The following DNAH1 variants were observed in gnomAD, a reference collection of about 807,000 sequenced individuals.
DNAH1 encodes the protein axonemal beta dynein heavy chain 1.
A neutral mutation model predicts 484.3 loss-of-function variants in DNAH1; 327 were observed. The ratio of observed to expected loss-of-function variants is 0.68; its 90% CI spans 0.62 to 0.74. DNAH1 has a LOEUF of 0.74. DNAH1 is among the 30% of genes least tolerant of loss of function. The pLI is 0.00. For synonymous variants in DNAH1, 2,192 were observed against 2,191.9 expected, an observed-to-expected ratio of 1.00 and a Z score of 0.00; for missense variants, 5,052 against 5,546.8, an observed-to-expected ratio of 0.91 and a Z score of 2.83.
chr3:52,380,907 C>G (rs938381711), intron 48 of DNAH1, among the ~76,000 whole-genome samples: 1 of 152,168 alleles, frequency 6.6e-6, no homozygotes, highest in Non-Finnish European at 1.5e-5. Flanking sequence ...GTAATTAGTC[C>G]AGAGCATTTA....
rs1559577274 is a variant in DNAH1 at position 52,397,778 on chromosome 3, CA to C, written c.11861del (p.Asn3954ThrfsTer34). ...PEIFGLHDNA[N>X]ITFAQNETFA... ...AGATCTTTGGCCTGCATGACAATGCCAACATCACCTTTGCCCAGAACGAGAC... is the reference window on the plus strand; with the variant it reads ...AGATCTTTGGCCTGCATGACAATGCCACATCACCTTTGCCCAGAACGAGAC... On this transcript the variant is annotated frameshift_variant, in exon 74 of 78. Transcript: ENST00000420323. LOFTEE classifies it high-confidence loss of function. 1 of 1,613,836 alleles carries C rather than the reference CA, an allele frequency of 6.2e-7. No homozygotes were observed. Among genetic ancestry groups the C allele is most frequent in the South Asian group, 1.1e-5 (1 of 91,066 alleles).
chr3:52,357,143 A>C (rs568203191), intron 22 of DNAH1, among the ~76,000 whole-genome samples: 17 of 149,400 alleles, frequency 1.1e-4, no homozygotes, highest in Admixed American at 3.4e-4. Context: ...CACCTCCCGG[A>C]GGCTGAGACA....
intron 71 of DNAH1, 31 bp downstream of exon 71, chr3:52,396,569 CCTG>C (rs1559575500): frequency 1.2e-6 from 2 of 1,611,640 alleles, no homozygotes; most frequent in Admixed American, 3.3e-5. Context: ...GCCTACCCTA[CCTG>C]CCCCCGTCCC....
chr3:52,370,957 A>G (rs1224620042), intron 41 of DNAH1, 132 bp downstream of exon 41: 12 of 827,950 alleles, frequency 1.4e-5, no homozygotes, highest in South Asian at 1.4e-4. Context: ...GGTTATTTGC[A>G]TCATCTCATG....
rs1703869683 is a variant in DNAH1, at chr3:52,381,996, C to T, written c.7805+160C>T. Among the ~76,000 whole-genome samples the T allele has an allele frequency of 6.6e-6, 1 of 152,082 alleles. No homozygotes were observed. Among genetic ancestry groups the T allele is most frequent in the Non-Finnish European group, 1.5e-5 (1 of 67,992 alleles). ...AAAGACTAGTAGCAGGATCTGGGCT[C>T]CAGGGAGAGGCAGCAGCAGTGCCTG... On this transcript the variant is annotated intron_variant, in intron 49 of 77. Transcript: ENST00000420323. This position sits in a 1 kb window ranked among gnomAD's most constrained non-coding sequence, Gnocchi z 4.1.
At chr3:52,347,757 C>T (rs1469351009) in intron 11 of DNAH1, 67 bp from the exon 12 acceptor site, 1 of 1,458,638 alleles carries the variant, frequency 6.9e-7, no homozygotes, top group East Asian at 2.5e-5. Flanking sequence ...GCAGGAAGGG[C>T]AGAGGGCTGC....
intron 3 of DNAH1, 37 bp downstream of exon 3, chr3:52,323,917 T>G (rs543677498): frequency 4.1e-5 from 62 of 1,508,668 alleles, no homozygotes; most frequent in Non-Finnish European, 5.5e-5. Flanking sequence ...TGGGTCCCGG[T>G]AGGTATTTCA....
At position 52,379,021 on chromosome 3, in the gene DNAH1, A is replaced by G. The variant is rs1703724880; in HGVS notation, c.7377+241A>G. 6.6e-6 allele frequency among the ~76,000 whole-genome samples: 1 copy of G among 152,168 alleles called. No individual in the cohort carries two copies. The highest frequency in any genetic ancestry group is 6.5e-5 in the Admixed American group (1 of 15,286). Reference sequence around the variant, plus strand: ...TGAGAGAGCCAGGGCAAGACGAGGGAGAAAGAGGGCTTCTGGTTTGGGCCC... The same window carrying G: ...TGAGAGAGCCAGGGCAAGACGAGGGGGAAAGAGGGCTTCTGGTTTGGGCCC... On this transcript the variant is annotated intron_variant, in intron 47 of 77. Transcript: ENST00000420323. This position sits in a 1 kb window ranked among gnomAD's most constrained non-coding sequence, Gnocchi z 4.4.
chr3:52,381,553 AGAG>A lies in DNAH1; in HGVS notation c.7609-86_7609-84del. 7.8e-7 allele frequency: 1 copy of A among 1,280,942 alleles called. No homozygotes were observed. Among genetic ancestry groups the A allele is most frequent in the Non-Finnish European group, 1.1e-6 (1 of 928,306 alleles). 79.3% of individuals were successfully genotyped at this position (1,280,942 alleles called of 1,614,324 possible). On this transcript the variant is annotated intron_variant, in intron 48 of 77. Coordinates refer to ENST00000420323, the MANE Select transcript of DNAH1 (RefSeq NM_015512.5). The surrounding 1 kb of genome is among the most constrained non-coding windows in gnomAD (Gnocchi z 4.1). ...GGCACCTGTGCTTCTCAGTCAGGAC[AGAG>A]AAGAAAGCGGGTGGGTGGGGGGAAT...
intron 44 of DNAH1, among the ~76,000 whole-genome samples, 171 bp downstream of exon 44, chr3:52,373,224 G>A (rs1000003594): frequency 6.6e-6 from 1 of 151,924 alleles, no homozygotes; most frequent in Non-Finnish European, 1.5e-5. Flanking sequence ...GCGGAGAGAC[G>A]CCGCCGCCAC....
chr3:52,372,135 G>T, intron 42 of DNAH1, 49 bp downstream of exon 42: 4 of 1,610,360 alleles, frequency 2.5e-6, no homozygotes, highest in Non-Finnish European at 3.4e-6. Flanking sequence ...GGCCTATATT[G>T]GGGGTTGACC....
intron 26 of DNAH1, 138 bp from the exon 27 acceptor site, chr3:52,359,778 T>A: frequency 8.5e-7 from 1 of 1,175,038 alleles, no homozygotes; most frequent in Admixed American, 2.1e-5. Context: ...GCCCGGTCCC[T>A]GCTCCCCTCC....
chr3:52,368,725 C>A lies in DNAH1; in HGVS notation c.5766-16C>A, dbSNP rs201397073. On this transcript the variant is annotated splice_polypyrimidine_tract_variant and intron_variant, in intron 36 of 77. Coordinates refer to ENST00000420323, the MANE Select transcript of DNAH1 (RefSeq NM_015512.5). This position sits in a 1 kb window ranked among gnomAD's most constrained non-coding sequence, Gnocchi z 4.4. ...CCTCCCTGATGTTTCCAGCCCTCTC[C>A]TCCCTGGCGCTGCAGGACAGACGGG... 30 of 1,606,626 alleles carry A rather than the reference C, an allele frequency of 1.9e-5. No individual in the cohort carries two copies. The highest frequency in any genetic ancestry group is 2.6e-5 in the Non-Finnish European group (30 of 1,174,948).
chr3:52,359,769 C>T (rs1375966019), intron 26 of DNAH1, 147 bp from the exon 27 acceptor site: 2 of 1,067,586 alleles, frequency 1.9e-6, no homozygotes, highest in Non-Finnish European at 2.7e-6. Context: ...CCTTCCCCTG[C>T]CCGGTCCCTG....
chr3:52,326,738 G>A lies in DNAH1; in HGVS notation c.585G>A (p.Arg195=), dbSNP rs772359444. The A allele has an allele frequency of 6.2e-7, 1 of 1,609,104 alleles. No individual in the cohort carries two copies. The highest frequency in any genetic ancestry group is 8.5e-7 in the Non-Finnish European group (1 of 1,176,528). ...TCCCCTCCCTGCCCTTGACCAGGAG[G>A]AAACAGCAGTACCTGAGCCTGGACA... ...QHPRKIEIER[R]KQQYLSLDIE... Residue 195 remains arginine (R), a synonymous_variant, in exon 5 of 78, where the codon AGG becomes AGA. Transcript: ENST00000420323.
At chr3:52,352,362 G>A (rs1702420623) in intron 17 of DNAH1, among the ~76,000 whole-genome samples, 190 bp from the exon 18 acceptor site, 1 of 152,124 alleles carries the variant, frequency 6.6e-6, no homozygotes, top group African/African-American at 2.4e-5. Flanking sequence ...ACTGGGCAGT[G>A]GGCACAGTGT....
In DNAH1 at chr3:52,345,535, G is replaced by T; in HGVS notation, c.1485G>T (p.Lys495Asn). Residue 495 changes from lysine (K) to asparagine (N), a missense_variant, in exon 10 of 78, where the codon AAG becomes AAT. Around this residue, in one of 4 missense-constraint regions of DNAH1, gnomAD observed 1,263 missense variants for 1,218.8 expected, o/e 1.04. Coordinates refer to ENST00000420323, the MANE Select transcript of DNAH1 (RefSeq NM_015512.5). ...SVPKYHFWEQ[K>N]EDFTFVSLLT... ...CCAAGTACCACTTCTGGGAGCAGAA[G>T]GAGGACTTCACTTTCGTGTCCCTGC... The T allele has an allele frequency of 6.3e-7, 1 of 1,581,846 alleles. No homozygotes were observed.
upstream of DNAH1, among the ~76,000 whole-genome samples, chr3:52,313,552 G>C (rs1020820847): frequency 6.6e-6 from 1 of 152,144 alleles, no homozygotes; most frequent in Non-Finnish European, 1.5e-5. Context: ...CCAGAGTATG[G>C]GAGCAGATTG....
chr3:52,323,401 C>T (rs1359523062), intron 2 of DNAH1, among the ~76,000 whole-genome samples: 1 of 152,132 alleles, frequency 6.6e-6, no homozygotes. Context: ...GGCTTTAGGC[C>T]AGGGAGGGGC....
Sources: allele counts gnomAD v4.1 joint callset (sites outside exome capture counted in the v4.1 genomes callset), GRCh38; gene constraint gnomAD v4.1.1; regional missense constraint gnomAD v4.1.1; non-coding constraint Gnocchi (gnomAD v3.1); transcripts MANE v1.5; gene names NCBI Gene and HGNC (gene_info 2026-07-23, HGNC 2026-07-21).